IRAK2: variants seen among roughly 807,000 people sequenced by gnomAD.
The protein encoded by IRAK2 is interleukin-1 receptor-associated kinase-like 2.
In IRAK2, 57 loss-of-function variants were observed where a neutral mutation model predicts 72.0. The ratio of observed to expected loss-of-function variants is 0.79; its 90% CI spans 0.64 to 0.99. The LOEUF is 0.99. IRAK2 is among the 50% of genes least tolerant of loss of function. The pLI is 0.00. For missense variants in IRAK2, 790 were observed against 794.4 expected (o/e 0.99, Z 0.07); for synonymous variants, 293 against 312.7 (o/e 0.94, Z 0.67).
intron 1 of IRAK2, among the ~76,000 whole-genome samples, chr3:10,172,223 C>T (rs556650069): frequency 7.9e-5 from 12 of 151,198 alleles, no homozygotes; most frequent in Non-Finnish European, 1.3e-4. Flanking sequence ...AAAAATTAGC[C>T]GGGCATGGTG....
At chr3:10,184,280 AC>A (rs1697008346) in intron 2 of IRAK2, among the ~76,000 whole-genome samples, 1 of 152,156 alleles carries the variant, frequency 6.6e-6, no homozygotes, top group African/African-American at 2.4e-5. Flanking sequence ...TTTATGTGCA[AC>A]TAAAGCTTCT....
intron 12 of IRAK2, 32 bp from the exon 13 acceptor site, chr3:10,242,084 G>T (rs1425459903): frequency 8.0e-7 from 1 of 1,249,142 alleles, no homozygotes; most frequent in South Asian, 1.2e-5. Context: ...TTTCATTCAA[G>T]TCGCTCTTGT....
intron 10 of IRAK2, among the ~76,000 whole-genome samples, chr3:10,232,785 T>C (rs2125163938): frequency 6.6e-6 from 1 of 152,104 alleles, no homozygotes; most frequent in Middle Eastern, 3.4e-3. Context: ...ACATTTAGGC[T>C]GGGTGCAGTG....
intron 9 of IRAK2, among the ~76,000 whole-genome samples, chr3:10,223,555 CA>C (rs1409231940): frequency 6.6e-6 from 1 of 152,204 alleles, no homozygotes; most frequent in African/African-American, 2.4e-5. Flanking sequence ...TTGCATTAGG[CA>C]AAGTCAAGCA....
chr3:10,230,431 T>C (rs1160827858), intron 10 of IRAK2, among the ~76,000 whole-genome samples: 1 of 152,014 alleles, frequency 6.6e-6, no homozygotes, highest in Non-Finnish European at 1.5e-5. Flanking sequence ...CAAGGGATCC[T>C]CCCACCTTAG....
rs747056392 is a variant in IRAK2, at chr3:10,219,809, C to A, written c.1013+20C>A. On this transcript the variant is annotated intron_variant, in intron 8 of 12. Transcript: ENST00000256458. The stretch of plus-strand genomic sequence containing the variant: ...CAAGAGGTGAGAGAGGTGGGCTGGA[C>A]CCTGCTGGGGCCTGGGCTGCAAGGG... 2 of 1,558,630 alleles carry A rather than the reference C, an allele frequency of 1.3e-6. No individual in the cohort carries two copies. The highest frequency in any genetic ancestry group is 1.8e-6 in the Non-Finnish European group (2 of 1,129,916).
intron 11 of IRAK2, among the ~76,000 whole-genome samples, chr3:10,236,509 A>G (rs948710339): frequency 3.8e-4 from 58 of 151,854 alleles, no homozygotes; most frequent in African/African-American, 1.4e-3. Context: ...CACCACACCC[A>G]GCTAATTTTT....
At chr3:10,184,843 C>T (rs1697024397) in intron 2 of IRAK2, among the ~76,000 whole-genome samples, 1 of 149,490 alleles carries the variant, frequency 6.7e-6, no homozygotes, top group South Asian at 2.1e-4. Flanking sequence ...CATTCTCTTG[C>T]CTCAGCCTCC....
intron 1 of IRAK2, among the ~76,000 whole-genome samples, chr3:10,169,100 A>G (rs1306453685): frequency 1.3e-5 from 2 of 152,156 alleles, no homozygotes; most frequent in African/African-American, 4.8e-5. Flanking sequence ...CCACAAAACC[A>G]GCGAGTTTTT....
At chr3:10,233,174 C>T (rs935871825) in intron 10 of IRAK2, among the ~76,000 whole-genome samples, 8 of 152,070 alleles carry the variant, frequency 5.3e-5, no homozygotes, top group East Asian at 1.9e-4. Context: ...CTCAGCCTCC[C>T]GAGTACCTGG....
At chr3:10,188,659 T>C (rs1316173627) in intron 2 of IRAK2, among the ~76,000 whole-genome samples, 1 of 152,242 alleles carries the variant, frequency 6.6e-6, no homozygotes. Context: ...CCCGAGTAGC[T>C]GGGATTACAG....
chr3:10,185,269 A>G (rs1368738172), intron 2 of IRAK2, among the ~76,000 whole-genome samples: 1 of 150,938 alleles, frequency 6.6e-6, no homozygotes, highest in East Asian at 2.0e-4. Context: ...TTTAAGAACC[A>G]CTGCTCGGCC....
intron 12 of IRAK2, 122 bp downstream of exon 12, chr3:10,239,161 C>A: frequency 2.1e-6 from 2 of 938,638 alleles, no homozygotes; most frequent in Non-Finnish European, 3.1e-6. Flanking sequence ...ATTCACCAAC[C>A]AGCCAGTTTT....
At position 10,193,441 on chromosome 3, in the gene IRAK2, C is replaced by CAA. The variant is rs34948830; in HGVS notation, c.278-6920_278-6919dup. Reference sequence around the variant, plus strand: ...CAATATGGCAAAACCCTGTCTCTACCAAAAAAAAACAAAAACAAAAACAAA... The same window carrying CAA: ...CAATATGGCAAAACCCTGTCTCTACCAAAAAAAAAAACAAAAACAAAAACAAA... On this transcript the variant is annotated intron_variant, in intron 2 of 12. Coordinates refer to ENST00000256458, the MANE Select transcript of IRAK2 (RefSeq NM_001570.4). 9.3e-5 allele frequency among the ~76,000 whole-genome samples: 14 copies of CAA among 149,748 alleles called. No individual in the cohort carries two copies. The East Asian group carries it at 1.2e-3, about 13-fold the overall frequency.
chr3:10,193,734 C>A (rs1697219721), intron 2 of IRAK2, among the ~76,000 whole-genome samples: 1 of 152,262 alleles, frequency 6.6e-6, no homozygotes, highest in South Asian at 2.1e-4. Context: ...CCTGCGTCCC[C>A]TTCCTATCCC....
At chr3:10,199,379 C>T (rs6779393) in intron 2 of IRAK2, among the ~76,000 whole-genome samples, 38 of 152,312 alleles carry the variant, frequency 2.5e-4, no homozygotes, top group African/African-American at 8.7e-4. Context: ...GTCATTTAAC[C>T]TGCTCAGGCC....
At chr3:10,183,685 C>T (rs989578510) in intron 2 of IRAK2, among the ~76,000 whole-genome samples, 3 of 152,048 alleles carry the variant, frequency 2.0e-5, no homozygotes, top group African/African-American at 7.3e-5. Flanking sequence ...GGCACCACTG[C>T]ACTCCAGCCT....
intron 3 of IRAK2, among the ~76,000 whole-genome samples, chr3:10,207,637 T>A (rs1295699013): frequency 6.6e-6 from 1 of 152,138 alleles, no homozygotes; most frequent in Non-Finnish European, 1.5e-5. Context: ...CACGTTTAAG[T>A]GACCCTAAAC....
intron 1 of IRAK2, among the ~76,000 whole-genome samples, chr3:10,172,322 G>A (rs1350024473): frequency 6.6e-6 from 1 of 151,362 alleles, no homozygotes; most frequent in Non-Finnish European, 1.5e-5. Flanking sequence ...AGCAGAGATC[G>A]CACCACTGCA....
Sources: allele counts gnomAD v4.1 joint callset (sites outside exome capture counted in the v4.1 genomes callset), GRCh38; gene constraint gnomAD v4.1.1; transcripts MANE v1.5; gene names NCBI Gene and HGNC (gene_info 2026-07-23, HGNC 2026-07-21).